Variants in TLE2 observed in about 807,000 individuals in gnomAD.
TLE2 encodes transducin-like enhancer protein 2.
A neutral mutation model predicts 97.2 loss-of-function variants in TLE2; 74 were observed. The observed-to-expected ratio is 0.76, with a 90% CI of 0.63 to 0.92. TLE2 has a LOEUF of 0.92. Among genes scored for constraint, TLE2 ranks in the 40% least tolerant of loss-of-function variants. The pLI, the probability that TLE2 is intolerant of heterozygous loss-of-function variation, is 0.00. For missense variants in TLE2, 1,038 were observed against 1,008.7 expected, an observed-to-expected ratio of 1.03 and a Z score of -0.39; for synonymous variants, 499 against 432.1, an observed-to-expected ratio of 1.15 and a Z score of -1.92.
At chr19:3,029,409 C>T (rs2090002160), upstream of TLE2, 5 of 738,286 alleles carry the variant, frequency 6.8e-6, no homozygotes, top group Non-Finnish European at 6.6e-6. Flanking sequence ...GGGCACCCGC[C>T]CCCTTCCTTC....
At chr19:3,010,325 T>C (rs144773444) in intron 12 of TLE2, among the ~76,000 whole-genome samples, 32 of 149,760 alleles carry the variant, frequency 2.1e-4, no homozygotes, top group African/African-American at 7.4e-4. Flanking sequence ...GATGGTGCCA[T>C]TGCACTCCAG....
At chr19:3,017,909 G>A (rs553058075) in intron 7 of TLE2, 50 bp from the exon 8 acceptor site, 89 of 1,589,650 alleles carry the variant, frequency 5.6e-5, no homozygotes, top group Non-Finnish European at 7.1e-5. Context: ...AGAATGAGGC[G>A]TTTGTATCCA....
In TLE2 at chr19:3,000,880, C is replaced by CA. The variant is rs763080108; in HGVS notation, c.2048-158dup. On this transcript the variant is annotated intron_variant, in intron 18 of 19. Transcript: ENST00000262953. ...TTGCTCTGTCACCCAGGCTGGAGTG[C>CA]AGTGGTACAATCATAGCTCACTGCA... 2.1e-3 allele frequency among the ~76,000 whole-genome samples: 309 copies of CA among 146,322 alleles called. 1 individual carries two copies. The highest frequency in any genetic ancestry group is 3.1e-3 in the Non-Finnish European group (208 of 67,348).
intron 19 of TLE2, among the ~76,000 whole-genome samples, chr19:2,998,363 C>T (rs1027629845): frequency 6.6e-6 from 1 of 151,640 alleles, no homozygotes; most frequent in South Asian, 2.1e-4. Context: ...CTGCAACCTC[C>T]GCCTCCCAGG....
Position 3,029,135 on chromosome 19 carries a change from G to A in TLE2, c.-231C>T, listed in dbSNP as rs970925463. ...GGGGTGCGCGGGGCGAGCGGGGCGG[G>A]CAGGGGCAGCGGCCGGGGCGGGAGC... is the stretch of plus-strand genomic sequence containing the variant. On this transcript the variant is annotated 5_prime_UTR_variant, in exon 1 of 20. Transcript: ENST00000262953. The A allele has an allele frequency of 3.4e-5, 36 of 1,055,010 alleles. No individual in the cohort carries two copies. In the African/African-American group the frequency reaches 5.4e-4, roughly 16 times the overall value. 65.4% of individuals were successfully genotyped at this position (1,055,010 alleles called of 1,614,324 possible).
At position 3,019,879 on chromosome 19, in the gene TLE2, G is replaced by A. The variant is rs992910110; in HGVS notation, c.295-106C>T. ...CCCGCCACCCTCTCATCTTTGCCCC[G>A]GTACTTCCCATTTCTCTTTTATCTT... On this transcript the variant is annotated intron_variant, in intron 5 of 19. Transcript: ENST00000262953. The surrounding 1 kb of genome is among the most constrained non-coding windows in gnomAD (Gnocchi z 5.1). 50 of 1,380,338 alleles carry A rather than the reference G, an allele frequency of 3.6e-5. No homozygotes were observed. The highest frequency in any genetic ancestry group is 2.2e-4 in the African/African-American group (15 of 69,242). 85.5% of individuals were successfully genotyped at this position (1,380,338 alleles called of 1,614,324 possible).
intron 1 of TLE2, among the ~76,000 whole-genome samples, chr19:3,038,768 G>T (rs571273319): frequency 1.3e-5 from 2 of 152,182 alleles, no homozygotes; most frequent in Non-Finnish European, 2.9e-5. Context: ...ATTAAGGCCG[G>T]GCGCAGTGGC....
At chr19:3,001,791 C>CTTTTTTT (rs562875053) in intron 18 of TLE2, among the ~76,000 whole-genome samples, 4 of 111,406 alleles carry the variant, frequency 3.6e-5, no homozygotes, top group Admixed American at 1.0e-4. Flanking sequence ...TCTTTTCTTT[C>CTTTTTTT]TTTTTTTTTT....
intron 5 of TLE2, among the ~76,000 whole-genome samples, chr19:3,021,223 G>A (rs549377881): frequency 6.6e-6 from 1 of 150,974 alleles, no homozygotes; most frequent in Admixed American, 6.6e-5. Context: ...TGACCAAGAT[G>A]GTGAAACCCC....
intron 9 of TLE2, among the ~76,000 whole-genome samples, 197 bp from the exon 10 acceptor site, chr19:3,014,811 G>A (rs983018469): frequency 5.9e-5 from 9 of 152,070 alleles, no homozygotes; most frequent in African/African-American, 2.2e-4. Context: ...TGGGGAGGCA[G>A]GGCAGGTGGG....
chr19:3,039,232 A>AG (rs1482579144), intron 1 of TLE2, among the ~76,000 whole-genome samples: 1 of 151,194 alleles, frequency 6.6e-6, no homozygotes, highest in Non-Finnish European at 1.5e-5. Context: ...CTCCAAAAAA[A>AG]AAAAAAAAAA....
Position 2,997,792 on chromosome 19 carries a change from T to C in TLE2, c.*56A>G, listed in dbSNP as rs14089. On this transcript the variant is annotated 3_prime_UTR_variant, in exon 20 of 20. Transcript: ENST00000262953. ...GAGGCGGCTGCTAGGATGTCTGTCC[T>C]GGCTGCTGATTCCCCTGGGAGTCTG... 0.099 allele frequency: 132,227 copies of C among 1,330,934 alleles called. 8,963 individuals carry two copies. The highest frequency in any genetic ancestry group is 0.32 in the African/African-American group (22,161 of 68,740). 82.4% of individuals were successfully genotyped at this position (1,330,934 alleles called of 1,614,324 possible). A position where few individuals can be genotyped will look rare whatever the true frequency, so the allele number is the denominator to read the frequency against.
upstream of TLE2, chr19:3,029,460 G>A (rs2090002837): frequency 2.4e-5 from 23 of 976,832 alleles, no homozygotes; most frequent in Non-Finnish European, 2.8e-5. Flanking sequence ...GGGTGGGGAG[G>A]CGCCCAGTGC....
intron 8 of TLE2, 27 bp from the exon 9 acceptor site, chr19:3,015,787 G>A (rs1279488343): frequency 1.3e-6 from 2 of 1,539,294 alleles, no homozygotes; most frequent in Admixed American, 3.7e-5. Context: ...GCCGGGGGGA[G>A]AAAGGGTCAG....
chr19:3,025,449 A>T (rs2089926248), intron 4 of TLE2: 1 of 1,048,960 alleles, frequency 9.5e-7, no homozygotes, highest in Non-Finnish European at 1.1e-6. Context: ...GAAACAAAGG[A>T]AAGGGGCCTC....
upstream of TLE2, among the ~76,000 whole-genome samples, chr19:3,033,215 T>C (rs2090039420): frequency 1.3e-5 from 2 of 151,998 alleles, no homozygotes; most frequent in African/African-American, 4.8e-5. Context: ...TCGCCCAGGC[T>C]GGAGTGCAGT....
chr19:3,012,677 T>C (rs1033912761), intron 11 of TLE2, among the ~76,000 whole-genome samples: 6 of 151,976 alleles, frequency 3.9e-5, no homozygotes, highest in African/African-American at 1.5e-4. Context: ...CCCAGAGCTG[T>C]CCCTCCCCAA....
At chr19:3,045,704 G>A (rs1164799140) in intron 1 of TLE2, 20 of 431,080 alleles carry the variant, frequency 4.6e-5, no homozygotes, top group Non-Finnish European at 9.0e-5. Context: ...GGTGGCGGGC[G>A]CCTGTAATCC....
chr19:3,000,857 G>A (rs1338453573), intron 18 of TLE2, 134 bp from the exon 19 acceptor site: 1 of 620,808 alleles, frequency 1.6e-6, no homozygotes, highest in African/African-American at 2.0e-5. Flanking sequence ...AAAGGGTCTT[G>A]CTCTGTCACC....
Sources: gnomAD v4.1 joint callset for allele counts (sites outside exome capture counted in the v4.1 genomes callset) on GRCh38, gnomAD v4.1.1 for gene constraint, Gnocchi (gnomAD v3.1) non-coding constraint, MANE v1.5 for transcripts, NCBI Gene and HGNC (gene_info 2026-07-23, HGNC 2026-07-21) for gene names.